WWOX: variants seen among roughly 807,000 people sequenced by gnomAD.
The protein encoded by WWOX is WW domain-containing oxidoreductase.
A neutral mutation model predicts 46.2 loss-of-function variants in WWOX; 69 were observed. The observed-to-expected ratio is 1.49, with a 90% CI of 1.23 to 1.82. The LOEUF (loss-of-function observed/expected upper bound fraction) is 1.82, where lower values mean the gene tolerates loss of function less well. Among genes scored for constraint, WWOX ranks in the 40% most tolerant of loss-of-function variants. The pLI, the probability that WWOX is intolerant of heterozygous loss-of-function variation, is 0.00. For missense variants in WWOX, 919 were observed against 542.6 expected (o/e 1.69, Z -6.89); for synonymous variants, 359 against 202.6 (o/e 1.77, Z -6.56).
At chr16:79,032,220 G>GTA (rs2047776293) in intron 8 of WWOX, among the ~76,000 whole-genome samples, 1 of 145,324 alleles carries the variant, frequency 6.9e-6, no homozygotes, top group Non-Finnish European at 1.5e-5. Context: ...ATACACATAT[G>GTA]TATATATGTA....
chr16:78,914,356 G>T (rs1342188465), intron 8 of WWOX, among the ~76,000 whole-genome samples: 1 of 152,034 alleles, frequency 6.6e-6, no homozygotes, highest in Admixed American at 6.6e-5. Context: ...ACAGTACCTG[G>T]CATATAGGAT....
intron 5 of WWOX, among the ~76,000 whole-genome samples, chr16:78,334,799 C>G (rs959903925): frequency 1.4e-4 from 7 of 49,848 alleles, no homozygotes; most frequent in African/African-American, 5.9e-4. Context: ...CCTCCACACA[C>G]ACACACACGC....
chr16:78,540,398 G>A (rs536273425), intron 8 of WWOX, among the ~76,000 whole-genome samples: 20 of 152,118 alleles, frequency 1.3e-4, no homozygotes, highest in Non-Finnish European at 1.3e-4. Flanking sequence ...TGCATGTTGC[G>A]TGTGGTAGTC....
chr16:79,132,978 A>C lies in WWOX; in HGVS notation c.1057-78630A>C, dbSNP rs145788298. Reference sequence around the variant, plus strand: ...CGATCTTGCCTGGGTCTGTTCTGTCACTTGGATCTTACCAGTCCTGGCAGG... The same window carrying C: ...CGATCTTGCCTGGGTCTGTTCTGTCCCTTGGATCTTACCAGTCCTGGCAGG... On this transcript the variant is annotated intron_variant, in intron 8 of 8. Transcript: ENST00000566780. Among the ~76,000 whole-genome samples, 870 of 152,250 alleles carry C rather than the reference A, an allele frequency of 5.7e-3. 12 individuals are homozygous for C. Among genetic ancestry groups the C allele is most frequent in the African/African-American group, 0.02 (826 of 41,542 alleles).
chr16:78,919,182 G>A (rs1390948171), intron 8 of WWOX, among the ~76,000 whole-genome samples: 1 of 151,920 alleles, frequency 6.6e-6, no homozygotes, highest in East Asian at 1.9e-4. Flanking sequence ...TACATGCATG[G>A]GCTCTGTGCT....
chr16:79,011,360 C>G (rs1420278015), intron 8 of WWOX, among the ~76,000 whole-genome samples: 1 of 151,994 alleles, frequency 6.6e-6, no homozygotes, highest in African/African-American at 2.4e-5. Flanking sequence ...GTCTCCAATC[C>G]TGCCCCCTTT....
At chr16:78,588,640 C>T (rs191185321) in intron 8 of WWOX, among the ~76,000 whole-genome samples, 3 of 152,296 alleles carry the variant, frequency 2.0e-5, no homozygotes. Context: ...CATTGAGTCA[C>T]TTGAGTTCTT....
At chr16:78,661,915 G>T (rs1050400220) in intron 8 of WWOX, among the ~76,000 whole-genome samples, 7 of 152,172 alleles carry the variant, frequency 4.6e-5, no homozygotes, top group Non-Finnish European at 7.3e-5. Flanking sequence ...GTGGTGATAT[G>T]CATCTGTGGT....
At chr16:78,129,857 A>G (rs2033518708) in intron 4 of WWOX, among the ~76,000 whole-genome samples, 1 of 152,106 alleles carries the variant, frequency 6.6e-6, no homozygotes, top group Admixed American at 6.6e-5. Flanking sequence ...TGAAACCCTA[A>G]TCTTAAGGTC....
At chr16:78,657,066 A>G (rs1274563959) in intron 8 of WWOX, among the ~76,000 whole-genome samples, 1 of 152,122 alleles carries the variant, frequency 6.6e-6, no homozygotes, top group Non-Finnish European at 1.5e-5. Flanking sequence ...TTTCTGGCTA[A>G]TTGAGTGGTG....
intron 6 of WWOX, among the ~76,000 whole-genome samples, chr16:78,422,790 C>G (rs1446625095): frequency 4.0e-5 from 5 of 124,876 alleles, no homozygotes; most frequent in Non-Finnish European, 7.6e-5. Context: ...TATATACACA[C>G]ACACATATAT....
chr16:78,351,413 C>T (rs1235733604), intron 5 of WWOX, among the ~76,000 whole-genome samples: 1 of 152,208 alleles, frequency 6.6e-6, no homozygotes, highest in Non-Finnish European at 1.5e-5. Context: ...TTAGCCAGAA[C>T]TATGGCCATG....
At chr16:79,162,387 C>G (rs1317690992) in intron 8 of WWOX, among the ~76,000 whole-genome samples, 1 of 152,196 alleles carries the variant, frequency 6.6e-6, no homozygotes, top group Non-Finnish European at 1.5e-5. Flanking sequence ...TTGTAATACT[C>G]TCTCTTGTCC....
chr16:78,228,862 T>G (rs1360049262), intron 5 of WWOX, among the ~76,000 whole-genome samples: 1 of 152,204 alleles, frequency 6.6e-6, no homozygotes, highest in South Asian at 2.1e-4. Context: ...CTCTCGTGGC[T>G]TTTTGTGCCA....
At chr16:79,085,088 A>G (rs533658445) in intron 8 of WWOX, among the ~76,000 whole-genome samples, 88 of 152,292 alleles carry the variant, frequency 5.8e-4, no homozygotes, top group African/African-American at 2.0e-3. Context: ...GCCACACTCA[A>G]TTATACACTT....
chr16:78,664,057 G>T (rs1346382482), intron 8 of WWOX, among the ~76,000 whole-genome samples: 1 of 152,186 alleles, frequency 6.6e-6, no homozygotes, highest in Non-Finnish European at 1.5e-5. Flanking sequence ...GGTTTTAAAA[G>T]ACGCCATGGT....
chr16:78,627,427 A>T (rs1007813873), intron 8 of WWOX, among the ~76,000 whole-genome samples: 1 of 152,178 alleles, frequency 6.6e-6, no homozygotes, highest in Non-Finnish European at 1.5e-5. Context: ...GTTTATGACA[A>T]GGGGTTTTCT....
intron 8 of WWOX, among the ~76,000 whole-genome samples, 197 bp from the exon 9 acceptor site, chr16:79,211,411 G>T (rs558836057): frequency 2.6e-5 from 4 of 152,140 alleles, no homozygotes; most frequent in Non-Finnish European, 5.9e-5. Context: ...CGGAGTTTAT[G>T]AACTCGTTTT....
intron 6 of WWOX, among the ~76,000 whole-genome samples, chr16:78,412,044 C>T (rs551826699): frequency 1.3e-5 from 2 of 152,246 alleles, no homozygotes; most frequent in East Asian, 1.9e-4. Context: ...GTGAGGGTGC[C>T]CTCCAGCAAT....
Sources: allele counts gnomAD v4.1 joint callset (sites outside exome capture counted in the v4.1 genomes callset), GRCh38; gene constraint gnomAD v4.1.1; transcripts MANE v1.5; gene names NCBI Gene and HGNC (gene_info 2026-07-23, HGNC 2026-07-21).